SLC2A9: variants seen among roughly 807,000 people sequenced by gnomAD.
The protein encoded by SLC2A9 is solute carrier family 2 member 9, also known as solute carrier family 2, facilitated glucose transporter member 9.
In SLC2A9, 39 loss-of-function variants were observed where a neutral mutation model predicts 50.6. The observed-to-expected ratio is 0.77, with a 90% confidence interval of 0.60 to 1.01. The LOEUF (loss-of-function observed/expected upper bound fraction) is 1.01, where lower values mean the gene tolerates loss of function less well. Among genes scored for constraint, SLC2A9 ranks in the 50% least tolerant of loss-of-function variants. The probability of loss-of-function intolerance (pLI) is 0.00; values close to 1 mark genes in which losing one functional copy is unlikely to be tolerated. For missense variants in SLC2A9, 686 were observed against 677.6 expected (o/e 1.01, Z -0.14); for synonymous variants, 324 against 276.9 (o/e 1.17, Z -1.69).
chr4:9,998,995 A>T (rs1759288536), intron 2 of SLC2A9, among the ~76,000 whole-genome samples: 2 of 152,106 alleles, frequency 1.3e-5, no homozygotes, highest in African/African-American at 4.8e-5. Flanking sequence ...ACAAAGAAAG[A>T]ATTATTTCAA....
At chr4:9,841,251 C>A (rs753030774) in intron 10 of SLC2A9, among the ~76,000 whole-genome samples, 6 of 152,186 alleles carry the variant, frequency 3.9e-5, no homozygotes, top group Non-Finnish European at 8.8e-5. Flanking sequence ...TTTAGAGACA[C>A]CCATTATCCT....
intron 3 of SLC2A9, among the ~76,000 whole-genome samples, chr4:9,994,360 G>A (rs1758236887): frequency 6.6e-6 from 1 of 152,192 alleles, no homozygotes; most frequent in African/African-American, 2.4e-5. Flanking sequence ...CTCCCCAGCA[G>A]AGTTGCTCTT....
At chr4:9,943,297 G>T (rs753650720) in intron 5 of SLC2A9, among the ~76,000 whole-genome samples, 66 of 152,320 alleles carry the variant, frequency 4.3e-4, no homozygotes, top group Admixed American at 1.2e-3. Context: ...CATCTAAGGG[G>T]TGCCTTAGAT....
downstream of SLC2A9, among the ~76,000 whole-genome samples, chr4:9,797,141 G>T (rs938837657): frequency 6.6e-6 from 1 of 152,176 alleles, no homozygotes; most frequent in African/African-American, 2.4e-5. Context: ...TCACATAGCA[G>T]CTCTGCTCTC....
At chr4:10,008,916 T>TC (rs1363205172) in intron 2 of SLC2A9, among the ~76,000 whole-genome samples, 1 of 151,496 alleles carries the variant, frequency 6.6e-6, no homozygotes, top group Non-Finnish European at 1.5e-5. Context: ...TTTTTTTTTT[T>TC]TCCTAATGGA....
chr4:9,806,697 G>A (rs866368065), intron 3 of SLC2A9, among the ~76,000 whole-genome samples: 36 of 152,152 alleles, frequency 2.4e-4, no homozygotes, highest in African/African-American at 8.7e-4. Flanking sequence ...AGAGAAGTGG[G>A]GGTAGTTGGG....
At chr4:10,008,254 T>G (rs1168213099) in intron 2 of SLC2A9, among the ~76,000 whole-genome samples, 2 of 152,246 alleles carry the variant, frequency 1.3e-5, no homozygotes, top group Non-Finnish European at 2.9e-5. Flanking sequence ...AGAGGCAGGC[T>G]GTCCAGCTCT....
chr4:9,952,344 C>T (rs549604602), intron 5 of SLC2A9, among the ~76,000 whole-genome samples: 1 of 152,154 alleles, frequency 6.6e-6, no homozygotes, highest in South Asian at 2.1e-4. Flanking sequence ...ATGAGTTCTC[C>T]CAAGATTTGG....
intron 10 of SLC2A9, among the ~76,000 whole-genome samples, chr4:9,870,083 T>C (rs576380038): frequency 6.6e-6 from 1 of 152,354 alleles, no homozygotes; most frequent in African/African-American, 2.4e-5. Context: ...CAAGGAGCAC[T>C]GGCAGCTGCC....
At chr4:10,039,497 A>T (rs149702367) in intron 1 of SLC2A9, among the ~76,000 whole-genome samples, 268 of 152,320 alleles carry the variant, frequency 1.8e-3, no homozygotes, top group African/African-American at 6.1e-3. Context: ...CTCTATCTTC[A>T]TGAACAATAA....
intron 2 of SLC2A9, among the ~76,000 whole-genome samples, chr4:10,003,777 A>T (rs188154003): frequency 6.6e-6 from 1 of 152,344 alleles, no homozygotes; most frequent in East Asian, 1.9e-4. Context: ...GGGTGCTTAA[A>T]TAAGAATTCG....
At chr4:10,023,580 G>A (rs964840275), upstream of SLC2A9, among the ~76,000 whole-genome samples, 2 of 152,228 alleles carry the variant, frequency 1.3e-5, no homozygotes, top group Admixed American at 6.5e-5. Context: ...CAGTGGACAT[G>A]AATGTGCAGC....
chr4:9,948,286 T>C lies in SLC2A9; in HGVS notation c.682-6241A>G, dbSNP rs561236148. Among the ~76,000 whole-genome samples the C allele has an allele frequency of 3.3e-5, 5 of 152,216 alleles. No individual in the cohort carries two copies. The South Asian group carries it at 1.0e-3, about 32-fold the overall frequency. The stretch of plus-strand genomic sequence containing the variant: ...TGCCCATTGGAATCACTTGGAGAGT[T>C]TTTACAAACTACTGATACTCATTCC... On this transcript the variant is annotated intron_variant, in intron 5 of 11. Coordinates refer to ENST00000264784, the MANE Select transcript of SLC2A9 (RefSeq NM_020041.3).
At chr4:9,956,733 G>A (rs760871481) in intron 5 of SLC2A9, among the ~76,000 whole-genome samples, 15 of 149,178 alleles carry the variant, frequency 1.0e-4, no homozygotes, top group Admixed American at 2.0e-4. Context: ...GAAGTTTCCT[G>A]GGTGCCTTTT....
intron 8 of SLC2A9, among the ~76,000 whole-genome samples, chr4:9,895,184 C>T (rs1473985485): frequency 6.6e-6 from 1 of 152,096 alleles, no homozygotes; most frequent in Non-Finnish European, 1.5e-5. Flanking sequence ...GTTTCGTTTC[C>T]CTAAAGTCTC....
intron 3 of SLC2A9, chr4:9,783,143 C>T: frequency 6.2e-7 from 1 of 1,614,268 alleles, no homozygotes; most frequent in Non-Finnish European, 8.5e-7. Flanking sequence ...GTTTGCCCAG[C>T]TGCTGGGGTG....
intron 2 of SLC2A9, among the ~76,000 whole-genome samples, chr4:10,001,739 AC>A (rs1759857985): frequency 6.6e-6 from 1 of 152,140 alleles, no homozygotes; most frequent in Non-Finnish European, 1.5e-5. Flanking sequence ...CTGGACATTT[AC>A]CTGACATTGA....
At chr4:9,991,264 TC>T (rs1195187574) in intron 3 of SLC2A9, among the ~76,000 whole-genome samples, 1 of 152,102 alleles carries the variant, frequency 6.6e-6, no homozygotes, top group Non-Finnish European at 1.5e-5. Flanking sequence ...TGCATCCCAA[TC>T]CCTGCCTCAG....
intron 1 of SLC2A9, among the ~76,000 whole-genome samples, chr4:10,030,885 G>A (rs1172342363): frequency 1.3e-5 from 2 of 152,154 alleles, no homozygotes; most frequent in East Asian, 3.9e-4. Flanking sequence ...GTCATGATCA[G>A]CCCCATTTCA....
Sources: allele counts gnomAD v4.1 joint callset (sites outside exome capture counted in the v4.1 genomes callset), GRCh38; gene constraint gnomAD v4.1.1; transcripts MANE v1.5; gene names NCBI Gene and HGNC (gene_info 2026-07-23, HGNC 2026-07-21).